The following MAP2 variants were observed in gnomAD, a reference collection of about 807,000 sequenced individuals.
MAP2 encodes the protein microtubule-associated protein 2.
A neutral mutation model predicts 137.6 loss-of-function variants in MAP2; 14 were observed. The observed-to-expected ratio is 0.10, with a 90% CI of 0.07 to 0.16. The LOEUF is 0.16. Among genes scored for constraint, MAP2 ranks in the 10% least tolerant of loss-of-function variants. The pLI is 1.00. For synonymous variants in MAP2, 786 were observed against 782.3 expected, an observed-to-expected ratio of 1.00 and a Z score of -0.08; for missense variants, 2,088 against 2,191.5, an observed-to-expected ratio of 0.95 and a Z score of 0.94.
intron 4 of MAP2, among the ~76,000 whole-genome samples, chr2:209,646,941 G>A (rs1193087401): frequency 1.3e-5 from 2 of 152,110 alleles, no homozygotes; most frequent in Non-Finnish European, 2.9e-5. Flanking sequence ...ATCTGAGACT[G>A]TGTAATTTAT....
intron 2 of MAP2, among the ~76,000 whole-genome samples, chr2:209,561,914 G>A (rs1315386397): frequency 1.3e-5 from 2 of 152,230 alleles, no homozygotes; most frequent in African/African-American, 2.4e-5. Context: ...AGTTGTGAAG[G>A]ATCCAAAAAT....
chr2:209,647,066 A>AG (rs1041503243), intron 4 of MAP2, among the ~76,000 whole-genome samples: 5 of 152,106 alleles, frequency 3.3e-5, no homozygotes, highest in African/African-American at 1.2e-4. Flanking sequence ...TAGAAGGCAA[A>AG]GGGGGAGCAA....
chr2:209,664,809 A>C (rs1323991485), intron 5 of MAP2, among the ~76,000 whole-genome samples: 1 of 151,772 alleles, frequency 6.6e-6, no homozygotes, highest in African/African-American at 2.4e-5. Flanking sequence ...AAAATACAAA[A>C]ATTAGCTAGG....
intron 1 of MAP2, among the ~76,000 whole-genome samples, chr2:209,464,202 C>G (rs1703567422): frequency 6.6e-6 from 1 of 152,052 alleles, no homozygotes; most frequent in African/African-American, 2.4e-5. Flanking sequence ...ATGATTATAT[C>G]TCAGTATAAA....
At chr2:209,621,257 A>ATTT (rs1186032597) in intron 3 of MAP2, among the ~76,000 whole-genome samples, 1 of 125,146 alleles carries the variant, frequency 8.0e-6, no homozygotes, top group Non-Finnish European at 1.7e-5. Context: ...AGGCATCTTG[A>ATTT]TTTTTTTTTT....
At chr2:209,723,324 A>G (rs1244759963) in intron 13 of MAP2, among the ~76,000 whole-genome samples, 4 of 152,046 alleles carry the variant, frequency 2.6e-5, no homozygotes, top group Non-Finnish European at 5.9e-5. Flanking sequence ...CTCAAGTTTT[A>G]TTTTTCAATC....
intron 14 of MAP2, among the ~76,000 whole-genome samples, chr2:209,729,348 T>C (rs2075270048): frequency 6.6e-6 from 1 of 152,208 alleles, no homozygotes; most frequent in South Asian, 2.1e-4. Context: ...GCTTTCAATG[T>C]TGAACATTCA....
chr2:209,532,334 C>T (rs1349888716), intron 2 of MAP2, among the ~76,000 whole-genome samples: 2 of 151,792 alleles, frequency 1.3e-5, no homozygotes, highest in African/African-American at 4.8e-5. Flanking sequence ...CTATTTATTT[C>T]ACATAAACTC....
chr2:209,475,095 A>G (rs1219158909), intron 1 of MAP2, among the ~76,000 whole-genome samples: 1 of 152,044 alleles, frequency 6.6e-6, no homozygotes, highest in African/African-American at 2.4e-5. Flanking sequence ...AGTCTGGAAA[A>G]TTGATTTATA....
intron 2 of MAP2, among the ~76,000 whole-genome samples, chr2:209,537,339 A>T (rs764363897): frequency 6.6e-6 from 1 of 152,232 alleles, no homozygotes; most frequent in Non-Finnish European, 1.5e-5. Flanking sequence ...AATTTTCCAT[A>T]TAAGTTGAAT....
chr2:209,659,700 A>T (rs2042499477), intron 5 of MAP2, among the ~76,000 whole-genome samples: 1 of 151,952 alleles, frequency 6.6e-6, no homozygotes, highest in African/African-American at 2.4e-5. Context: ...GTGATTTTTG[A>T]CTATCTTGAA....
chr2:209,679,921 A>G (rs1208283444), intron 6 of MAP2, among the ~76,000 whole-genome samples: 1 of 152,148 alleles, frequency 6.6e-6, no homozygotes, highest in East Asian at 1.9e-4. Flanking sequence ...TAACTACTTT[A>G]TGAAGCTGAA....
intron 2 of MAP2, among the ~76,000 whole-genome samples, chr2:209,512,882 A>G (rs1180732352): frequency 6.6e-6 from 1 of 152,040 alleles, no homozygotes; most frequent in African/African-American, 2.4e-5. Flanking sequence ...TCTGACATGA[A>G]GTGACCCTCC....
chr2:209,608,380 C>T (rs1472933715), intron 3 of MAP2, among the ~76,000 whole-genome samples: 1 of 151,998 alleles, frequency 6.6e-6, no homozygotes, highest in East Asian at 1.9e-4. Flanking sequence ...CCTTGAATTC[C>T]TAAGCTCAAG....
chr2:209,515,217 T>C (rs950069937), intron 2 of MAP2, among the ~76,000 whole-genome samples: 2 of 152,112 alleles, frequency 1.3e-5, no homozygotes, highest in African/African-American at 2.4e-5. Context: ...AGTACATCTG[T>C]GTCTATCTTC....
At chr2:209,650,031 C>T (rs531902893) in intron 4 of MAP2, among the ~76,000 whole-genome samples, 97 of 152,262 alleles carry the variant, frequency 6.4e-4, no homozygotes, top group Non-Finnish European at 1.1e-3. Flanking sequence ...GTAGCACTCT[C>T]TCTATTTAAG....
chr2:209,593,456 A>C (rs984005360), intron 3 of MAP2, among the ~76,000 whole-genome samples: 8 of 148,194 alleles, frequency 5.4e-5, no homozygotes, highest in Non-Finnish European at 1.2e-4. Context: ...AAGGCTGACT[A>C]ATGGTTCTAG....
Position 209,723,814 on chromosome 2 carries a change from C to G in MAP2, c.5074-1895C>G, listed in dbSNP as rs1429119412. ...TTTCTCACTGCTGTTCCACATGTCTCCCTGGTATGATAGCTTGTAGCCTTG... is the reference window on the plus strand; with the variant it reads ...TTTCTCACTGCTGTTCCACATGTCTGCCTGGTATGATAGCTTGTAGCCTTG... On this transcript the variant is annotated intron_variant, in intron 13 of 15. Coordinates refer to ENST00000682079, the MANE Select transcript of MAP2 (RefSeq NM_001375505.1). The G allele has an allele frequency of 2.2e-5, 14 of 642,704 alleles. No homozygotes were observed. The East Asian group carries it at 2.4e-4, about 11-fold the overall frequency. The allele number at this position is 642,704 out of a possible 1,614,324, so 39.8% of individuals were successfully genotyped here. A position where few individuals can be genotyped will look rare whatever the true frequency, so the allele number is the denominator to read the frequency against.
intron 2 of MAP2, among the ~76,000 whole-genome samples, chr2:209,552,200 T>G (rs2069327662): frequency 6.6e-6 from 1 of 152,168 alleles, no homozygotes; most frequent in African/African-American, 2.4e-5. Context: ...AAATAAGAAT[T>G]AATTATAGAA....
Sources: allele counts gnomAD v4.1 joint callset (sites outside exome capture counted in the v4.1 genomes callset), GRCh38; gene constraint gnomAD v4.1.1; transcripts MANE v1.5; gene names NCBI Gene and HGNC (gene_info 2026-07-23, HGNC 2026-07-21).